Variants in GUCY2C observed in about 807,000 individuals in gnomAD.
GUCY2C encodes guanylyl cyclase C.
GUCY2C carries 118 observed loss-of-function variants against 131.1 expected under a neutral mutation model. That is an observed-to-expected ratio of 0.90 (90% CI 0.78 to 1.05). GUCY2C has a LOEUF of 1.05. Ranked by LOEUF, GUCY2C falls within the 50% of genes least tolerant of loss-of-function variation. The pLI is 0.00. For synonymous variants in GUCY2C, 452 were observed against 457.8 expected (o/e 0.99, Z 0.16); for missense variants, 1,161 against 1,304.4 (o/e 0.89, Z 1.69).
intron 21 of GUCY2C, among the ~76,000 whole-genome samples, chr12:14,624,343 A>G (rs1946960492): frequency 6.6e-6 from 1 of 152,196 alleles, no homozygotes; most frequent in Admixed American, 6.5e-5. Flanking sequence ...TGGGAGGCTG[A>G]GGCAGGAGAA....
At chr12:14,625,366 C>T (rs1218940423) in intron 21 of GUCY2C, among the ~76,000 whole-genome samples, 1 of 149,916 alleles carries the variant, frequency 6.7e-6, no homozygotes, top group Non-Finnish European at 1.5e-5. Context: ...CTTGCTCTGT[C>T]ACCCAGGCTG....
intron 24 of GUCY2C, among the ~76,000 whole-genome samples, chr12:14,618,127 A>G (rs917944452): frequency 6.6e-6 from 1 of 152,198 alleles, no homozygotes; most frequent in Non-Finnish European, 1.5e-5. Context: ...CATCTACTTC[A>G]TGCAGCACAT....
At position 14,686,398 on chromosome 12, in the gene GUCY2C, G is replaced by T. The variant is rs147209242; in HGVS notation, c.331-173C>A. ...TCTGGACAAGGATCAACTGAGGCAT[G>T]GAGAGGTTCGAGAGGGAAAACACAC... On this transcript the variant is annotated intron_variant, in intron 2 of 26. Coordinates refer to ENST00000261170, the MANE Select transcript of GUCY2C (RefSeq NM_004963.4). Among the ~76,000 whole-genome samples, 571 of 152,274 alleles carry T rather than the reference G, an allele frequency of 3.7e-3. 9 individuals carry two copies. The highest frequency in any genetic ancestry group is 2.1e-3 in the East Asian group (11 of 5,180).
At chr12:14,676,522 C>G (rs1948238690) in intron 7 of GUCY2C, among the ~76,000 whole-genome samples, 1 of 152,164 alleles carries the variant, frequency 6.6e-6, no homozygotes, top group South Asian at 2.1e-4. Context: ...TAATTTCTAC[C>G]TATTTTAAGT....
intron 18 of GUCY2C, among the ~76,000 whole-genome samples, chr12:14,640,433 C>T (rs1333253293): frequency 7.0e-6 from 1 of 142,224 alleles, no homozygotes. Context: ...CTTACTCCAG[C>T]CTGGGGGTGA....
At chr12:14,620,915 G>T (rs1344232067) in intron 23 of GUCY2C, 127 bp downstream of exon 23, 2 of 722,846 alleles carry the variant, frequency 2.8e-6, no homozygotes, top group African/African-American at 1.8e-5. Flanking sequence ...CTCACATTTG[G>T]CAAAAAGAAT....
At chr12:14,623,814 T>C (rs905394007) in intron 21 of GUCY2C, among the ~76,000 whole-genome samples, 6 of 152,136 alleles carry the variant, frequency 3.9e-5, no homozygotes, top group African/African-American at 1.2e-4. Context: ...CTTCCTGCCA[T>C]GCGAAGAAGG....
At chr12:14,682,747 C>G (rs1948373307) in intron 4 of GUCY2C, among the ~76,000 whole-genome samples, 1 of 152,106 alleles carries the variant, frequency 6.6e-6, no homozygotes, top group South Asian at 2.1e-4. Context: ...AATAGGGATC[C>G]TATTACTTGT....
At chr12:14,678,808 C>A (rs1948289921) in intron 6 of GUCY2C, among the ~76,000 whole-genome samples, 1 of 152,142 alleles carries the variant, frequency 6.6e-6, no homozygotes, top group Non-Finnish European at 1.5e-5. Flanking sequence ...GGCAGTGACA[C>A]CTTCTTCAAG....
chr12:14,613,047 G>A lies in GUCY2C; in HGVS notation c.*70C>T, dbSNP rs1946681594. The A allele has an allele frequency of 4.7e-6, 6 of 1,272,882 alleles. No homozygotes were observed. In the Admixed American group the frequency reaches 1.1e-4, roughly 23 times the overall value. The allele number at this position is 1,272,882 out of a possible 1,614,324, so 78.8% of individuals were successfully genotyped here. On this transcript the variant is annotated 3_prime_UTR_variant, in exon 27 of 27. Coordinates refer to ENST00000261170, the MANE Select transcript of GUCY2C (RefSeq NM_004963.4). This position sits in a 1 kb window ranked among gnomAD's most constrained non-coding sequence, Gnocchi z 4.9. Reference sequence around the variant, plus strand: ...GGTCTCAGGAAAATGTAAGCTTTCAGGACACTTGAGGTCGCTGCCTCAGTG... The same window carrying A: ...GGTCTCAGGAAAATGTAAGCTTTCAAGACACTTGAGGTCGCTGCCTCAGTG...
intron 2 of GUCY2C, 140 bp downstream of exon 2, chr12:14,687,811 T>C: frequency 1.6e-6 from 1 of 614,938 alleles, no homozygotes; most frequent in Non-Finnish European, 2.9e-6. Flanking sequence ...CAGAGTCTCC[T>C]GCCTGGTACT....
At position 14,667,541 on chromosome 12, in the gene GUCY2C, G is replaced by T. The variant is rs151006569; in HGVS notation, c.1282+2181C>A. ...TTTTGGACTTAATTTGACTCATGGA[G>T]TGAAAGAAAACTAGAAACGCAGGTA... On this transcript the variant is annotated intron_variant, in intron 10 of 26. Coordinates refer to ENST00000261170, the MANE Select transcript of GUCY2C (RefSeq NM_004963.4). 3.1e-3 allele frequency among the ~76,000 whole-genome samples: 474 copies of T among 152,270 alleles called. 3 individuals carry two copies. Among genetic ancestry groups the T allele is most frequent in the African/African-American group, 0.011 (453 of 41,556 alleles).
At position 14,651,517 on chromosome 12, in the gene GUCY2C, A is replaced by G; in HGVS notation, c.1606-6T>C. On this transcript the variant is annotated splice_region_variant and splice_polypyrimidine_tract_variant and intron_variant, in intron 14 of 26. Coordinates refer to ENST00000261170, the MANE Select transcript of GUCY2C (RefSeq NM_004963.4). ...TAATAGTCAATCTGAAGCAACTAGAAGAACGTGTTTGTTTACAAAGCAAAT... is the reference window on the plus strand; with the variant it reads ...TAATAGTCAATCTGAAGCAACTAGAGGAACGTGTTTGTTTACAAAGCAAAT... 1 of 1,516,642 alleles carries G rather than the reference A, an allele frequency of 6.6e-7. No homozygotes were observed. Among genetic ancestry groups the G allele is most frequent in the South Asian group, 1.1e-5 (1 of 87,544 alleles). The allele number at this position is 1,516,642 out of a possible 1,614,324, so 93.9% of individuals were successfully genotyped here.
At chr12:14,678,046 A>G (rs974266515) in intron 6 of GUCY2C, among the ~76,000 whole-genome samples, 1 of 152,118 alleles carries the variant, frequency 6.6e-6, no homozygotes, top group African/African-American at 2.4e-5. Context: ...GAACTCCTAG[A>G]TTCAAGCTAT....
intron 15 of GUCY2C, among the ~76,000 whole-genome samples, chr12:14,649,635 G>A (rs1232654049): frequency 6.6e-6 from 1 of 152,056 alleles, no homozygotes; most frequent in Non-Finnish European, 1.5e-5. Context: ...CAAATCAAAA[G>A]GTCATAGGAG....
chr12:14,653,392 A>C (rs1289831681), intron 12 of GUCY2C, among the ~76,000 whole-genome samples: 2 of 152,190 alleles, frequency 1.3e-5, no homozygotes, highest in Non-Finnish European at 2.9e-5. Context: ...CTCATGCCTA[A>C]AGGCCCAAGT....
At chr12:14,629,790 A>G (rs1052927900) in intron 19 of GUCY2C, among the ~76,000 whole-genome samples, 1 of 152,246 alleles carries the variant, frequency 6.6e-6, no homozygotes, top group African/African-American at 2.4e-5. Context: ...TCTTATGCCC[A>G]GGCACCACCC....
rs1946695885 is a variant in GUCY2C at position 14,613,617 on chromosome 12, AC to A, written c.3048-327del. 1.3e-5 allele frequency among the ~76,000 whole-genome samples: 2 copies of A among 152,040 alleles called. No homozygotes were observed. Among genetic ancestry groups the A allele is most frequent in the African/African-American group, 4.8e-5 (2 of 41,414 alleles). On this transcript the variant is annotated intron_variant, in intron 26 of 26. Transcript: ENST00000261170. This position sits in a 1 kb window ranked among gnomAD's most constrained non-coding sequence, Gnocchi z 4.9. ...GAGGATGCTAGGCCCCTGCCACACA[AC>A]CCTGAAAACTCATTGGTCCCACACA...
At chr12:14,629,098 G>A (rs985464222) in intron 19 of GUCY2C, among the ~76,000 whole-genome samples, 1 of 152,176 alleles carries the variant, frequency 6.6e-6, no homozygotes, top group Non-Finnish European at 1.5e-5. Context: ...TACTGACTGA[G>A]TGGTTAAGTT....
Sources: gnomAD v4.1 joint callset for allele counts (sites outside exome capture counted in the v4.1 genomes callset) on GRCh38, gnomAD v4.1.1 for gene constraint, Gnocchi (gnomAD v3.1) non-coding constraint, MANE v1.5 for transcripts, NCBI Gene and HGNC (gene_info 2026-07-23, HGNC 2026-07-21) for gene names.